RAP1GAP2: variants seen among roughly 807,000 people sequenced by gnomAD.
The protein encoded by RAP1GAP2 is rap1 GTPase-activating protein 2.
In RAP1GAP2, 27 loss-of-function variants were observed where a neutral mutation model predicts 95.0. The observed-to-expected ratio is 0.28, with a 90% confidence interval of 0.21 to 0.39. The LOEUF (loss-of-function observed/expected upper bound fraction) is 0.39. Among genes scored for constraint, RAP1GAP2 ranks in the 10% least tolerant of loss-of-function variants. The pLI is 1.00. For missense variants in RAP1GAP2, 771 were observed against 970.0 expected, an observed-to-expected ratio of 0.79 and a Z score of 2.72; for synonymous variants, 373 against 380.9, an observed-to-expected ratio of 0.98 and a Z score of 0.24.
Position 2,825,808 on chromosome 17 carries a change from G to A in RAP1GAP2, c.80+25258G>A, listed in dbSNP as rs1343755278. ...TCCAAGGAACTCACAGTCTCTGGAG[G>A]AAACAGACATTTAACAGTCATCTGC... On this transcript the variant is annotated intron_variant, in intron 2 of 24. Coordinates refer to ENST00000254695, the MANE Select transcript of RAP1GAP2 (RefSeq NM_015085.5). The surrounding 1 kb of genome is among the most constrained non-coding windows in gnomAD (Gnocchi z 4.1). Among the ~76,000 whole-genome samples, 2 of 152,096 alleles carry A rather than the reference G, an allele frequency of 1.3e-5. No homozygotes were observed. Among genetic ancestry groups the A allele is most frequent in the Non-Finnish European group, 2.9e-5 (2 of 68,030 alleles).
intron 4 of RAP1GAP2, 102 bp downstream of exon 4, chr17:2,957,896 C>T (rs573051100): frequency 2.4e-5 from 30 of 1,248,282 alleles, no homozygotes; most frequent in Middle Eastern, 4.0e-4. Context: ...GTGCCCTGGA[C>T]GGGGGTGCAG....
intron 22 of RAP1GAP2, among the ~76,000 whole-genome samples, chr17:3,030,177 T>C (rs867142545): frequency 4.5e-4 from 65 of 145,234 alleles, no homozygotes; most frequent in African/African-American, 1.3e-3. Flanking sequence ...ATATATATTA[T>C]ACACACACAC....
In RAP1GAP2 at chr17:2,852,008, C is replaced by T. The variant is rs539412905; in HGVS notation, c.80+51458C>T. Among the ~76,000 whole-genome samples, 5 of 152,150 alleles carry T rather than the reference C, an allele frequency of 3.3e-5. No homozygotes were observed. The East Asian group carries it at 7.7e-4, about 23-fold the overall frequency. ...CAACGCTAGGATAGACCTAAGCCAG[C>T]GCCCTCATCACCTTCCCTGCCATCT... is the stretch of plus-strand genomic sequence containing the variant. On this transcript the variant is annotated intron_variant, in intron 2 of 24. Coordinates refer to ENST00000254695, the MANE Select transcript of RAP1GAP2 (RefSeq NM_015085.5).
chr17:2,853,576 C>A (rs1488922762), intron 2 of RAP1GAP2, among the ~76,000 whole-genome samples: 2 of 150,172 alleles, frequency 1.3e-5, no homozygotes. Context: ...GTCCCGGGAG[C>A]GCTGTCCGCC....
At chr17:2,891,292 T>C (rs923450970) in intron 2 of RAP1GAP2, among the ~76,000 whole-genome samples, 3 of 151,860 alleles carry the variant, frequency 2.0e-5, no homozygotes, top group Non-Finnish European at 4.4e-5. Flanking sequence ...GGACCATGGG[T>C]GCTTGCCACC....
At chr17:2,909,586 C>T (rs113522359) in intron 3 of RAP1GAP2, among the ~76,000 whole-genome samples, 2 of 152,350 alleles carry the variant, frequency 1.3e-5, no homozygotes, top group African/African-American at 4.8e-5. Context: ...TGGGTGCCTG[C>T]CCCTGCTGCG....
chr17:2,875,089 G>A (rs765708422), intron 2 of RAP1GAP2, among the ~76,000 whole-genome samples: 3 of 152,166 alleles, frequency 2.0e-5, no homozygotes, highest in South Asian at 2.1e-4. Context: ...TTCTTGAGAT[G>A]TAGCCTTGCT....
At chr17:2,778,007 T>G (rs377240203) in intron 1 of RAP1GAP2, among the ~76,000 whole-genome samples, 85 of 40,858 alleles carry the variant, frequency 2.1e-3, no homozygotes, top group Middle Eastern at 0.01. Context: ...GCTGGGAGGC[T>G]GGGAGGCGGG....
chr17:2,776,613 G>C (rs1190545022), upstream of RAP1GAP2, among the ~76,000 whole-genome samples: 1 of 151,760 alleles, frequency 6.6e-6, no homozygotes, highest in Non-Finnish European at 1.5e-5. Context: ...ACCAGGGCGC[G>C]CCCCGGGTGG....
intron 12 of RAP1GAP2, among the ~76,000 whole-genome samples, chr17:2,994,731 T>C (rs1166233045): frequency 1.3e-5 from 2 of 152,212 alleles, no homozygotes; most frequent in Non-Finnish European, 2.9e-5. Flanking sequence ...GGATTGTGGA[T>C]GGATGCGCTT....
chr17:2,979,918 C>G (rs2045289788), intron 8 of RAP1GAP2, among the ~76,000 whole-genome samples: 1 of 151,902 alleles, frequency 6.6e-6, no homozygotes, highest in Admixed American at 6.6e-5. Flanking sequence ...TCTCGGCCAC[C>G]TTCCTCTTGG....
chr17:2,933,128 A>C (rs921111175), intron 3 of RAP1GAP2, among the ~76,000 whole-genome samples: 4 of 152,184 alleles, frequency 2.6e-5, no homozygotes, highest in African/African-American at 9.6e-5. Flanking sequence ...GAGGGCGGGA[A>C]GAGAGAAGGG....
intron 2 of RAP1GAP2, among the ~76,000 whole-genome samples, chr17:2,808,756 C>A (rs2069628975): frequency 6.6e-6 from 1 of 152,186 alleles, no homozygotes; most frequent in Admixed American, 6.5e-5. Context: ...TCGTTGATTT[C>A]TTCAGGATGG....
intron 17 of RAP1GAP2, among the ~76,000 whole-genome samples, chr17:3,015,702 A>G (rs1021558258): frequency 6.6e-6 from 1 of 152,164 alleles, no homozygotes; most frequent in Non-Finnish European, 1.5e-5. Context: ...CTGTAGTCCC[A>G]GCTACTCGGG....
chr17:2,835,668 T>C (rs1348847376), intron 2 of RAP1GAP2, among the ~76,000 whole-genome samples: 1 of 152,182 alleles, frequency 6.6e-6, no homozygotes, highest in African/African-American at 2.4e-5. Context: ...GAGGCTGCAG[T>C]GAGCTATGAT....
chr17:2,768,265 A>G (rs1173984661), intron 1 of RAP1GAP2, among the ~76,000 whole-genome samples: 1 of 152,200 alleles, frequency 6.6e-6, no homozygotes, highest in Non-Finnish European at 1.5e-5. Context: ...GTACCAAGTG[A>G]CATTCCCACT....
intron 2 of RAP1GAP2, among the ~76,000 whole-genome samples, chr17:2,835,464 G>A (rs372560225): frequency 4.0e-5 from 6 of 151,770 alleles, no homozygotes; most frequent in Admixed American, 3.3e-4. Flanking sequence ...CAGGTGATCC[G>A]CCTGCCTCAG....
intron 10 of RAP1GAP2, among the ~76,000 whole-genome samples, chr17:2,981,685 G>A (rs1405028084): frequency 6.6e-6 from 1 of 152,126 alleles, no homozygotes; most frequent in Non-Finnish European, 1.5e-5. Context: ...CTGTGTTACT[G>A]CAGCTCTCCG....
intron 2 of RAP1GAP2, among the ~76,000 whole-genome samples, chr17:2,805,598 C>T (rs2069481405): frequency 6.6e-6 from 1 of 152,032 alleles, no homozygotes; most frequent in Non-Finnish European, 1.5e-5. Flanking sequence ...ATCTCGAACT[C>T]CCGACCTCAG....
Sources: allele counts gnomAD v4.1 joint callset (sites outside exome capture counted in the v4.1 genomes callset), GRCh38; gene constraint gnomAD v4.1.1; non-coding constraint Gnocchi (gnomAD v3.1); transcripts MANE v1.5; gene names NCBI Gene and HGNC (gene_info 2026-07-23, HGNC 2026-07-21).